PDE6D: variants seen among roughly 807,000 people sequenced by gnomAD.
PDE6D encodes the protein retinal rod rhodopsin-sensitive cGMP 3',5'-cyclic phosphodiesterase subunit delta.
A neutral mutation model predicts 21.9 loss-of-function variants in PDE6D; 10 were observed. That is an observed-to-expected ratio of 0.46 (90% CI 0.28 to 0.78). PDE6D has a LOEUF of 0.78. Ranked by LOEUF, PDE6D falls within the 30% of genes least tolerant of loss-of-function variation. PDE6D has a pLI of 0.12. For missense variants in PDE6D, 139 were observed against 184.8 expected, an observed-to-expected ratio of 0.75 and a Z score of 1.44; for synonymous variants, 59 against 63.5, an observed-to-expected ratio of 0.93 and a Z score of 0.34.
chr2:231,759,291 G>A (rs1445227474), intron 1 of PDE6D, among the ~76,000 whole-genome samples: 1 of 152,176 alleles, frequency 6.6e-6, no homozygotes, highest in East Asian at 1.9e-4. Context: ...ACTCCAGCCT[G>A]GGCGACAAAG....
intron 2 of PDE6D, 138 bp downstream of exon 2, chr2:231,738,962 T>A: frequency 7.8e-6 from 4 of 514,948 alleles, no homozygotes; most frequent in Non-Finnish European, 1.4e-5. Context: ...ACTGAAACTG[T>A]CAACAACACA....
rs368831044 is a variant in PDE6D at position 231,737,313 on chromosome 2, C to T, written c.266-21G>A. The stretch of plus-strand genomic sequence containing the variant: ...CCATTCTGAAGGAAGAAGGAAAAGC[C>T]GGGGTGAGCAGGTGCCCCAGTATAA... On this transcript the variant is annotated intron_variant, in intron 3 of 4. Coordinates refer to ENST00000287600, the MANE Select transcript of PDE6D (RefSeq NM_002601.4). 132 of 1,399,294 alleles carry T rather than the reference C, an allele frequency of 9.4e-5. No individual in the cohort carries two copies. In the Admixed American group the frequency reaches 1.5e-3, roughly 16 times the overall value. The allele number at this position is 1,399,294 out of a possible 1,614,324, so 86.7% of individuals were successfully genotyped here.
intron 4 of PDE6D, among the ~76,000 whole-genome samples, chr2:231,734,168 C>G (rs1343571628): frequency 2.0e-5 from 3 of 151,526 alleles, no homozygotes; most frequent in Non-Finnish European, 4.4e-5. Flanking sequence ...GAGCCGAGAT[C>G]ACGCCACTGC....
intron 4 of PDE6D, 108 bp from the exon 5 acceptor site, chr2:231,733,141 C>T (rs2048665839): frequency 2.7e-6 from 2 of 739,712 alleles, no homozygotes; most frequent in Non-Finnish European, 4.9e-6. Context: ...AATGGACATG[C>T]ACCCACCCAG....
At chr2:231,751,508 C>T (rs1043674479) in intron 1 of PDE6D, among the ~76,000 whole-genome samples, 2 of 152,160 alleles carry the variant, frequency 1.3e-5, no homozygotes, top group African/African-American at 4.8e-5. Context: ...ATTGCACACC[C>T]AGTTTACTCT....
rs1408621186 is a variant in PDE6D at position 231,738,117 on chromosome 2, A to T, written c.161T>A (p.Leu54His). ...EHEARVPKKI[L>H]KCKAVSRELN... ...TTCTCGAGACACTGCCTTGCACTTG[A>T]GGATTTTCTTGGGAACACGGGCTGG... Residue 54 changes from leucine (L) to histidine (H), a missense_variant, in exon 3 of 5, where the codon CTC becomes CAC. Coordinates refer to ENST00000287600, the MANE Select transcript of PDE6D (RefSeq NM_002601.4). 1 of 1,612,882 alleles carries T rather than the reference A, an allele frequency of 6.2e-7. No homozygotes were observed. Among genetic ancestry groups the T allele is most frequent in the African/African-American group, 1.3e-5 (1 of 74,892 alleles).
intron 1 of PDE6D, among the ~76,000 whole-genome samples, chr2:231,774,443 C>T (rs2049038750): frequency 6.6e-6 from 1 of 152,078 alleles, no homozygotes. Flanking sequence ...GGAAGTGAGC[C>T]CATACTCTCA....
chr2:231,767,173 A>T (rs1440509194), intron 1 of PDE6D, among the ~76,000 whole-genome samples: 1 of 152,128 alleles, frequency 6.6e-6, no homozygotes, highest in Non-Finnish European at 1.5e-5. Context: ...GACTTTTCTG[A>T]TATCCTACTT....
chr2:231,759,411 C>T (rs1481345885), intron 1 of PDE6D, among the ~76,000 whole-genome samples: 1 of 152,002 alleles, frequency 6.6e-6, no homozygotes, highest in Non-Finnish European at 1.5e-5. Flanking sequence ...TGGAATAACA[C>T]ATTTTTCAGG....
chr2:231,734,465 A>C (rs867020306), intron 4 of PDE6D, among the ~76,000 whole-genome samples: 12 of 146,776 alleles, frequency 8.2e-5, no homozygotes, highest in Non-Finnish European at 1.5e-4. Flanking sequence ...AAAAAAAAAA[A>C]CCCCTGCTTT....
chr2:231,775,746 A>G (rs1395055944), intron 1 of PDE6D, among the ~76,000 whole-genome samples: 1 of 152,048 alleles, frequency 6.6e-6, no homozygotes, highest in Non-Finnish European at 1.5e-5. Flanking sequence ...TATCCTATTG[A>G]TTTGTAGGCA....
chr2:231,744,812 CAT>C (rs1170362177), intron 1 of PDE6D, among the ~76,000 whole-genome samples: 33 of 152,164 alleles, frequency 2.2e-4, no homozygotes, highest in African/African-American at 8.0e-4. Context: ...GTTCAATATA[CAT>C]AGTTATTCCT....
intron 1 of PDE6D, among the ~76,000 whole-genome samples, chr2:231,757,174 G>A (rs551403300): frequency 6.6e-6 from 1 of 152,066 alleles, no homozygotes; most frequent in African/African-American, 2.4e-5. Flanking sequence ...TGCCCAGGCT[G>A]GTTTCGAACT....
chr2:231,767,547 C>A (rs1001940185), intron 1 of PDE6D, among the ~76,000 whole-genome samples: 13 of 152,058 alleles, frequency 8.5e-5, no homozygotes, highest in African/African-American at 3.1e-4. Flanking sequence ...AATCTCCTGA[C>A]CTTGTGATCT....
At chr2:231,769,812 C>T (rs964158685) in intron 1 of PDE6D, among the ~76,000 whole-genome samples, 13 of 152,150 alleles carry the variant, frequency 8.5e-5, no homozygotes, top group Non-Finnish European at 1.2e-4. Context: ...CTGTTAGATT[C>T]TTATCTCAAT....
intron 1 of PDE6D, among the ~76,000 whole-genome samples, chr2:231,740,073 C>A (rs1192582660): frequency 6.6e-6 from 1 of 152,014 alleles, no homozygotes; most frequent in Non-Finnish European, 1.5e-5. Context: ...TAAGACATAA[C>A]CTTTACAGAC....
intron 1 of PDE6D, among the ~76,000 whole-genome samples, chr2:231,761,344 T>A (rs1017835304): frequency 1.3e-5 from 2 of 151,360 alleles, no homozygotes; most frequent in African/African-American, 2.4e-5. Flanking sequence ...CCCGGCTAAT[T>A]TTTTTGTATT....
intron 1 of PDE6D, among the ~76,000 whole-genome samples, chr2:231,768,159 T>C (rs986624303): frequency 3.9e-5 from 6 of 152,246 alleles, no homozygotes; most frequent in Middle Eastern, 6.8e-3. Flanking sequence ...CTATTATTCT[T>C]AAAAAGATCA....
chr2:231,737,771 G>T, intron 3 of PDE6D: 1 of 459,154 alleles, frequency 2.2e-6, no homozygotes, highest in East Asian at 3.7e-5. Flanking sequence ...CAACGTCAGT[G>T]CCTAAACCAG....
Sources: allele counts gnomAD v4.1 joint callset (sites outside exome capture counted in the v4.1 genomes callset), GRCh38; gene constraint gnomAD v4.1.1; transcripts MANE v1.5; gene names NCBI Gene and HGNC (gene_info 2026-07-23, HGNC 2026-07-21).